TENM4: variants seen among roughly 807,000 people sequenced by gnomAD.
TENM4 encodes the protein teneurin-4.
A neutral mutation model predicts 243.3 loss-of-function variants in TENM4; 82 were observed. The ratio of observed to expected loss-of-function variants is 0.34; its 90% CI spans 0.28 to 0.40. The LOEUF (loss-of-function observed/expected upper bound fraction) is 0.40. Ranked by LOEUF, TENM4 falls within the 10% of genes least tolerant of loss-of-function variation. The pLI, the probability that TENM4 is intolerant of heterozygous loss-of-function variation, is 1.00. For synonymous variants in TENM4, 1,412 were observed against 1,456.3 expected (o/e 0.97, Z 0.69); for missense variants, 3,138 against 3,673.3 (o/e 0.85, Z 3.77).
intron 4 of TENM4, among the ~76,000 whole-genome samples, chr11:79,140,302 C>A (rs1334059693): frequency 1.3e-5 from 2 of 152,112 alleles, no homozygotes; most frequent in Non-Finnish European, 2.9e-5. Context: ...GACATACCAT[C>A]CCCTTCCCTC....
chr11:78,707,295 C>T (rs1315961752), intron 27 of TENM4, among the ~76,000 whole-genome samples: 1 of 152,232 alleles, frequency 6.6e-6, no homozygotes, highest in Non-Finnish European at 1.5e-5. Flanking sequence ...TCAGCATGGG[C>T]CTGGCCCAGC....
intron 1 of TENM4, among the ~76,000 whole-genome samples, chr11:79,401,680 C>T (rs191017112): frequency 4.6e-5 from 7 of 152,180 alleles, no homozygotes; most frequent in Non-Finnish European, 1.0e-4. Context: ...TTGATAGGCT[C>T]CCCAGTTTAC....
intron 2 of TENM4, among the ~76,000 whole-genome samples, chr11:79,297,277 A>T (rs12802809): frequency 0.048 from 7,244 of 152,220 alleles, 233 homozygotes; most frequent in Middle Eastern, 0.085. Context: ...AAACATGTCA[A>T]CTCCACACTG....
At chr11:79,322,523 C>G (rs1303482995) in intron 1 of TENM4, among the ~76,000 whole-genome samples, 1 of 152,156 alleles carries the variant, frequency 6.6e-6, no homozygotes, top group African/African-American at 2.4e-5. Flanking sequence ...ATCTTTCCAC[C>G]CTGCTCTAGT....
At chr11:78,989,076 C>T (rs913874651) in intron 6 of TENM4, among the ~76,000 whole-genome samples, 51 of 152,316 alleles carry the variant, frequency 3.3e-4, no homozygotes, top group African/African-American at 1.2e-3. Flanking sequence ...AACTCTAATC[C>T]TATAGGCCTG....
intron 3 of TENM4, among the ~76,000 whole-genome samples, chr11:79,175,724 C>T (rs1255577359): frequency 6.6e-6 from 1 of 152,036 alleles, no homozygotes; most frequent in Non-Finnish European, 1.5e-5. Context: ...ATTCTCATAT[C>T]TATAGTTTCT....
intron 1 of TENM4, among the ~76,000 whole-genome samples, chr11:79,432,529 A>C (rs1425030719): frequency 6.6e-6 from 1 of 152,186 alleles, no homozygotes; most frequent in African/African-American, 2.4e-5. Flanking sequence ...CACATTTAAA[A>C]GTTTTTTACC....
At chr11:79,348,217 T>A (rs981374024) in intron 1 of TENM4, among the ~76,000 whole-genome samples, 1 of 152,240 alleles carries the variant, frequency 6.6e-6, no homozygotes, top group Non-Finnish European at 1.5e-5. Flanking sequence ...TAATAGACAC[T>A]GATTGAATAT....
chr11:78,891,429 C>G, intron 7 of TENM4, 93 bp from the exon 8 acceptor site: 2 of 1,168,144 alleles, frequency 1.7e-6, no homozygotes, highest in South Asian at 2.7e-5. Flanking sequence ...TTTGGTGCAG[C>G]TGTGTGCGTA....
At chr11:79,024,132 A>T (rs1859010228) in intron 6 of TENM4, among the ~76,000 whole-genome samples, 4 of 150,808 alleles carry the variant, frequency 2.7e-5, no homozygotes, top group Non-Finnish European at 5.9e-5. Context: ...GGACGAAGAC[A>T]ATGAACGACT....
chr11:79,247,401 A>G (rs1390051475), intron 2 of TENM4, among the ~76,000 whole-genome samples: 1 of 134,918 alleles, frequency 7.4e-6, no homozygotes, highest in Non-Finnish European at 1.6e-5. Context: ...TGCCCAAAAG[A>G]GTGAGACTCT....
At position 79,146,675 on chromosome 11, in the gene TENM4, G is replaced by T. The variant is rs151228651; in HGVS notation, c.-66+2035C>A. 1.1e-3 allele frequency among the ~76,000 whole-genome samples: 163 copies of T among 152,120 alleles called. 2 individuals carry two copies. The highest frequency in any genetic ancestry group is 3.7e-3 in the African/African-American group (155 of 41,512). Reference sequence around the variant, plus strand: ...CAAACAGAAAAAAGCCACTAACCAAGGGAGAAAGACTCTCCCATATCCTAA... The same window carrying T: ...CAAACAGAAAAAAGCCACTAACCAATGGAGAAAGACTCTCCCATATCCTAA... On this transcript the variant is annotated intron_variant, in intron 4 of 33. Transcript: ENST00000278550.
At chr11:79,266,026 G>A (rs548807129) in intron 2 of TENM4, among the ~76,000 whole-genome samples, 15 of 152,194 alleles carry the variant, frequency 9.9e-5, no homozygotes, top group Non-Finnish European at 1.9e-4. Context: ...TTTCCCAGGT[G>A]GAGTAAGTAG....
intron 6 of TENM4, among the ~76,000 whole-genome samples, chr11:79,029,383 T>C (rs984954587): frequency 6.6e-6 from 1 of 152,222 alleles, no homozygotes; most frequent in African/African-American, 2.4e-5. Flanking sequence ...AATGCTCTTA[T>C]GGAGTTAGCA....
intron 3 of TENM4, among the ~76,000 whole-genome samples, chr11:79,184,458 C>T (rs1183779825): frequency 6.6e-6 from 1 of 150,896 alleles, no homozygotes; most frequent in Non-Finnish European, 1.5e-5. Context: ...GGCAGTATTG[C>T]TCTCGCTGGG....
intron 16 of TENM4, among the ~76,000 whole-genome samples, 176 bp from the exon 17 acceptor site, chr11:78,778,804 G>C (rs1038969011): frequency 1.3e-5 from 2 of 152,060 alleles, no homozygotes; most frequent in African/African-American, 2.4e-5. Context: ...AGAGGAGAAG[G>C]GAGAGCAAGC....
intron 7 of TENM4, 131 bp downstream of exon 7, chr11:78,903,137 C>G (rs1855968885): frequency 7.7e-7 from 1 of 1,306,578 alleles, no homozygotes. Flanking sequence ...CATCCCTAAA[C>G]CGTGCACCCA....
intron 4 of TENM4, among the ~76,000 whole-genome samples, chr11:79,072,207 A>G (rs1426312560): frequency 1.3e-5 from 2 of 152,188 alleles, no homozygotes; most frequent in Admixed American, 1.3e-4. Flanking sequence ...TATTATGGCC[A>G]GGCATGGGGT....
intron 4 of TENM4, among the ~76,000 whole-genome samples, chr11:79,107,079 C>T (rs1157130933): frequency 6.6e-6 from 1 of 152,062 alleles, no homozygotes; most frequent in Non-Finnish European, 1.5e-5. Flanking sequence ...TTCTATCATC[C>T]CCATTTTATG....
Sources: allele counts gnomAD v4.1 joint callset (sites outside exome capture counted in the v4.1 genomes callset), GRCh38; gene constraint gnomAD v4.1.1; transcripts MANE v1.5; gene names NCBI Gene and HGNC (gene_info 2026-07-23, HGNC 2026-07-21).